DGKB: variants seen among roughly 807,000 people sequenced by gnomAD.
DGKB encodes diacylglycerol kinase beta, also known as 90 kDa diacylglycerol kinase.
Under a neutral mutation model 114.3 loss-of-function variants are expected in DGKB, and 67 were observed. That is an observed-to-expected ratio of 0.59 (90% confidence interval 0.48 to 0.72). DGKB has a LOEUF of 0.72. DGKB is among the 30% of genes least tolerant of loss of function. The probability of loss-of-function intolerance (pLI) is 0.00; values close to 1 mark genes in which losing one functional copy is unlikely to be tolerated. For missense variants in DGKB, 907 were observed against 975.2 expected (o/e 0.93, Z 0.93); for synonymous variants, 398 against 323.1 (o/e 1.23, Z -2.49).
intron 13 of DGKB, among the ~76,000 whole-genome samples, chr7:14,638,518 G>T (rs1811160757): frequency 6.6e-6 from 1 of 152,074 alleles, no homozygotes; most frequent in Non-Finnish European, 1.5e-5. Context: ...TTCAAAAGCT[G>T]ACTGAATGCT....
At chr7:14,633,608 C>G (rs1810172390) in intron 13 of DGKB, among the ~76,000 whole-genome samples, 1 of 151,668 alleles carries the variant, frequency 6.6e-6, no homozygotes. Context: ...CTCTCCTGTA[C>G]TTAATTTTTA....
Position 14,616,116 on chromosome 7 carries a change from T to C in DGKB, c.1285-2703A>G, listed in dbSNP as rs542515697. 4.9e-4 allele frequency among the ~76,000 whole-genome samples: 74 copies of C among 150,386 alleles called. 2 individuals are homozygous for C. In the South Asian group the frequency reaches 0.015, roughly 31 times the overall value. On this transcript the variant is annotated intron_variant, in intron 15 of 25. Transcript: ENST00000402815. ...TTCCCTCAACCACTTGAGAGTAAGTTGCCAAAATTCTACTCCATCACTACC... is the reference window on the plus strand; with the variant it reads ...TTCCCTCAACCACTTGAGAGTAAGTCGCCAAAATTCTACTCCATCACTACC...
intron 25 of DGKB, among the ~76,000 whole-genome samples, chr7:14,173,236 C>G (rs917282468): frequency 6.6e-6 from 1 of 152,100 alleles, no homozygotes; most frequent in East Asian, 1.9e-4. Flanking sequence ...GTACTAAGCT[C>G]TTTGGTTTTT....
At chr7:14,408,897 G>C (rs1227417778) in intron 21 of DGKB, among the ~76,000 whole-genome samples, 1 of 151,970 alleles carries the variant, frequency 6.6e-6, no homozygotes, top group Admixed American at 6.6e-5. Context: ...TGAAGAAAAA[G>C]TTAGATATGT....
intron 13 of DGKB, among the ~76,000 whole-genome samples, chr7:14,659,944 G>C (rs887089147): frequency 6.6e-5 from 10 of 151,606 alleles, no homozygotes; most frequent in East Asian, 3.9e-4. Flanking sequence ...TAGCATGAAG[G>C]GTTGTTGAAT....
intron 8 of DGKB, among the ~76,000 whole-genome samples, chr7:14,695,314 A>G (rs962442517): frequency 1.3e-5 from 2 of 151,986 alleles, no homozygotes; most frequent in African/African-American, 4.8e-5. Context: ...TTTTGTACCT[A>G]ATAAATCTCA....
At chr7:14,351,001 A>G (rs1366819114) in intron 21 of DGKB, among the ~76,000 whole-genome samples, 2 of 152,138 alleles carry the variant, frequency 1.3e-5, no homozygotes, top group African/African-American at 4.8e-5. Context: ...TGGAGAACAT[A>G]GTTTTTAACT....
At chr7:14,501,426 A>G (rs1786157466) in intron 20 of DGKB, among the ~76,000 whole-genome samples, 1 of 151,938 alleles carries the variant, frequency 6.6e-6, no homozygotes, top group Non-Finnish European at 1.5e-5. Context: ...TTTTAAAGGA[A>G]TGCTTATAGT....
chr7:14,205,672 C>T (rs535132441), intron 23 of DGKB, among the ~76,000 whole-genome samples: 24 of 152,074 alleles, frequency 1.6e-4, no homozygotes, highest in Middle Eastern at 3.4e-3. Context: ...ACAGGACATG[C>T]TCTTTCCAAT....
chr7:14,778,619 G>C (rs1377006774), intron 2 of DGKB, among the ~76,000 whole-genome samples: 2 of 152,222 alleles, frequency 1.3e-5, no homozygotes, highest in Admixed American at 6.5e-5. Flanking sequence ...AGGTAAACTA[G>C]TTAATTGAGG....
At chr7:14,476,086 A>T (rs1178464462) in intron 21 of DGKB, among the ~76,000 whole-genome samples, 1 of 151,976 alleles carries the variant, frequency 6.6e-6, no homozygotes, top group Admixed American at 6.6e-5. Flanking sequence ...ATCCAAACAC[A>T]CTTTCGTTTT....
intron 21 of DGKB, among the ~76,000 whole-genome samples, chr7:14,415,045 T>C (rs961555383): frequency 5.9e-5 from 9 of 151,776 alleles, no homozygotes; most frequent in African/African-American, 2.2e-4. Flanking sequence ...AGAGTACAGG[T>C]TTAAAAGTTA....
rs80146344 is a variant in DGKB, at chr7:14,177,885, T to C, written c.2243+146A>G. 2.2e-4 allele frequency: 177 copies of C among 816,870 alleles called. 2 individuals carry two copies. The East Asian group carries it at 5.3e-3, about 24-fold the overall frequency. The allele number at this position is 816,870 out of a possible 1,614,324, so 50.6% of individuals were successfully genotyped here. ...CAATATTTTAGACAATCTGCCAATGTCCATTATTTTGAAATATATTAGTAT... is the reference window on the plus strand; with the variant it reads ...CAATATTTTAGACAATCTGCCAATGCCCATTATTTTGAAATATATTAGTAT... On this transcript the variant is annotated intron_variant, in intron 24 of 25. Transcript: ENST00000402815.
intron 21 of DGKB, among the ~76,000 whole-genome samples, chr7:14,451,891 A>T (rs1303833282): frequency 6.6e-6 from 1 of 151,082 alleles, no homozygotes; most frequent in Non-Finnish European, 1.5e-5. Flanking sequence ...TAAAGAAATT[A>T]ATGAAACTCA....
chr7:14,328,169 A>C (rs1428686719), intron 23 of DGKB, among the ~76,000 whole-genome samples: 2 of 152,132 alleles, frequency 1.3e-5, no homozygotes, highest in African/African-American at 4.8e-5. Flanking sequence ...ACTTAGTAAG[A>C]AAATATGTTT....
chr7:14,645,711 A>C (rs1343792325), intron 13 of DGKB, among the ~76,000 whole-genome samples: 2 of 151,864 alleles, frequency 1.3e-5, no homozygotes, highest in African/African-American at 2.4e-5. Flanking sequence ...AAAAAAAAAA[A>C]CCTGTCAGCC....
At chr7:14,493,961 C>CACACACACA (rs1366266748) in intron 20 of DGKB, among the ~76,000 whole-genome samples, 2 of 142,262 alleles carry the variant, frequency 1.4e-5, no homozygotes, top group African/African-American at 5.1e-5. Context: ...CACACACACA[C>CACACACACA]ATCTATGTAC....
At chr7:14,335,872 G>A (rs1245727870) in intron 23 of DGKB, among the ~76,000 whole-genome samples, 1 of 152,064 alleles carries the variant, frequency 6.6e-6, no homozygotes, top group East Asian at 1.9e-4. Flanking sequence ...TCCCTCCTCA[G>A]CCTTCTGAGT....
At chr7:14,366,871 GT>G (rs1816763946) in intron 21 of DGKB, among the ~76,000 whole-genome samples, 1 of 152,080 alleles carries the variant, frequency 6.6e-6, no homozygotes, top group Non-Finnish European at 1.5e-5. Context: ...TGTCAAAATT[GT>G]AGAAAATTAA....
Sources: gnomAD v4.1 joint callset for allele counts (sites outside exome capture counted in the v4.1 genomes callset) on GRCh38, gnomAD v4.1.1 for gene constraint, MANE v1.5 for transcripts, NCBI Gene and HGNC (gene_info 2026-07-23, HGNC 2026-07-21) for gene names.